Variants in HAS3 observed in about 807,000 individuals in gnomAD.
The protein encoded by HAS3 is HA synthase 3.
Under a neutral mutation model 50.3 loss-of-function variants are expected in HAS3, and 27 were observed. The observed-to-expected ratio is 0.54, with a 90% CI of 0.40 to 0.74. The LOEUF is 0.74. Ranked by LOEUF, HAS3 falls within the 30% of genes least tolerant of loss-of-function variation. HAS3 has a pLI of 0.00. For synonymous variants in HAS3, 339 were observed against 310.9 expected, an observed-to-expected ratio of 1.09 and a Z score of -0.95; for missense variants, 517 against 742.8, an observed-to-expected ratio of 0.70 and a Z score of 3.53.
chr16:69,106,300 C>T lies in HAS3; in HGVS notation c.-1+513C>T, dbSNP rs1276659033. 1.3e-5 allele frequency: 2 copies of T among 149,070 alleles called. No homozygotes were observed. Among genetic ancestry groups the T allele is most frequent in the Non-Finnish European group, 3.0e-5 (2 of 66,996 alleles). 9.2% of individuals were successfully genotyped at this position (149,070 alleles called of 1,614,324 possible). On this transcript the variant is annotated intron_variant, in intron 1 of 3. Transcript: ENST00000569188. The surrounding 1 kb of genome is among the most constrained non-coding windows in gnomAD (Gnocchi z 5.5). ...CGCGGGCCTGCTGAGCTCCGGAGCG[C>T]GGCAGCCGGCGGCACGGTGAGCGCG...
In HAS3 at chr16:69,114,339, G is replaced by T. The variant is rs756808168; in HGVS notation, c.739-4G>T. 5.7e-6 allele frequency: 9 copies of T among 1,590,962 alleles called. No individual in the cohort carries two copies. In the South Asian group the frequency reaches 1.0e-4, roughly 18 times the overall value. On this transcript the variant is annotated splice_polypyrimidine_tract_variant and splice_region_variant and intron_variant, in intron 3 of 3. Coordinates refer to ENST00000569188, the MANE Select transcript of HAS3 (RefSeq NM_001199280.2). This position sits in a 1 kb window ranked among gnomAD's most constrained non-coding sequence, Gnocchi z 6.4. ...GGAGGCCCAGCATCTCTATTCCCTT[G>T]CAGATCCTCAACAAGTACGACTCAT...
At chr16:69,104,529 C>T (rs1210232993), upstream of HAS3, among the ~76,000 whole-genome samples, 1 of 152,162 alleles carries the variant, frequency 6.6e-6, no homozygotes, top group Non-Finnish European at 1.5e-5. Flanking sequence ...AACTTCTGAC[C>T]TCGTGATCCG....
At chr16:69,097,491 T>G in the HAS3 span, among the ~76,000 whole-genome samples, 1 of 152,042 alleles carries the variant, frequency 6.6e-6, no homozygotes, top group Non-Finnish European at 1.5e-5. Flanking sequence ...AAGCTTACCT[T>G]AAGTGTAGAC....
the HAS3 span, among the ~76,000 whole-genome samples, chr16:69,089,523 A>G: frequency 6.6e-6 from 1 of 152,196 alleles, no homozygotes; most frequent in African/African-American, 2.4e-5. Context: ...CTGCAGTCAC[A>G]TGCAGCAGCC....
In HAS3 at chr16:69,117,499, G is replaced by GT. The variant is rs982797187; in HGVS notation, c.*2238dup. The GT allele has an allele frequency of 2.0e-6, 2 of 977,540 alleles. No homozygotes were observed. Among genetic ancestry groups the GT allele is most frequent in the African/African-American group, 3.5e-5 (2 of 56,760 alleles). 60.6% of individuals were successfully genotyped at this position (977,540 alleles called of 1,614,324 possible). On this transcript the variant is annotated 3_prime_UTR_variant, in exon 4 of 4. Coordinates refer to ENST00000569188, the MANE Select transcript of HAS3 (RefSeq NM_001199280.2). ...CCTTTATACAATTGGACGCATTTTG[G>GT]TTTTTCCTCATTGAGAATTCAAATC...
chr16:69,095,941 C>T, the HAS3 span, among the ~76,000 whole-genome samples: 4 of 152,100 alleles, frequency 2.6e-5, no homozygotes, highest in Admixed American at 1.3e-4. Context: ...CATGGCTGGG[C>T]GCGGTGGCTT....
the HAS3 span, chr16:69,083,518 C>A: frequency 6.2e-7 from 1 of 1,612,578 alleles, no homozygotes; most frequent in Non-Finnish European, 8.5e-7. Context: ...TCTCTACCAC[C>A]TGCTGAAGCA....
rs985067116 is a variant in HAS3, at chr16:69,114,762, G to A, written c.1158G>A (p.Thr386=). 22 of 1,614,008 alleles carry A rather than the reference G, an allele frequency of 1.4e-5. No homozygotes were observed. Among genetic ancestry groups the A allele is most frequent in the Non-Finnish European group, 1.9e-5 (22 of 1,180,036 alleles). ...GGATGACCTACGAGTCAGTGGTCAC[G>A]GGTTTCTTCCCCTTCTTCCTCATTG... The part of the protein sequence containing the change: ...HLWMTYESVV[T]GFFPFFLIAT... Residue 386 remains threonine, a synonymous_variant, in exon 4 of 4, where the codon ACG becomes ACA. Coordinates refer to ENST00000569188, the MANE Select transcript of HAS3 (RefSeq NM_001199280.2). The surrounding 1 kb of genome is among the most constrained non-coding windows in gnomAD (Gnocchi z 6.4).
chr16:69,090,307 G>A, the HAS3 span, among the ~76,000 whole-genome samples: 6 of 152,142 alleles, frequency 3.9e-5, no homozygotes, highest in African/African-American at 7.2e-5. Context: ...GGTACAGCCC[G>A]CAGGTACAAT....
Position 69,117,119 on chromosome 16 carries a change from T to C in HAS3, c.*1853T>C. 1 of 985,858 alleles carries C rather than the reference T, an allele frequency of 1.0e-6. No individual in the cohort carries two copies. Among genetic ancestry groups the C allele is most frequent in the South Asian group, 4.7e-5 (1 of 21,292 alleles). 61.1% of individuals were successfully genotyped at this position (985,858 alleles called of 1,614,324 possible). A position where few individuals can be genotyped will look rare whatever the true frequency, so the allele number is the denominator to read the frequency against. On this transcript the variant is annotated 3_prime_UTR_variant, in exon 4 of 4. Transcript: ENST00000569188. Reference sequence around the variant, plus strand: ...AGGCTGGAAGGCAGCAGGCATTTGCTAAGGCAGCTGATCCAGGCAATCGTT... The same window carrying C: ...AGGCTGGAAGGCAGCAGGCATTTGCCAAGGCAGCTGATCCAGGCAATCGTT...
At chr16:69,099,647 AAAC>A in the HAS3 span, among the ~76,000 whole-genome samples, 15 of 152,352 alleles carry the variant, frequency 9.8e-5, no homozygotes, top group Admixed American at 6.5e-4. Context: ...ATTTTAAAGA[AAAC>A]AACAACATAA....
upstream of HAS3, chr16:69,105,651 A>G (rs1490088026): frequency 6.6e-6 from 1 of 152,222 alleles, no homozygotes; most frequent in African/African-American, 2.4e-5. Flanking sequence ...TTTACATTTG[A>G]CAATTCTCTT....
chr16:69,104,107 T>C (rs1390996771), upstream of HAS3, among the ~76,000 whole-genome samples: 1 of 152,100 alleles, frequency 6.6e-6, no homozygotes, highest in Admixed American at 6.5e-5. Flanking sequence ...GAATTTGTTT[T>C]TGAGACAGCG....
At position 69,109,111 on chromosome 16, in the gene HAS3, T is replaced by G. The variant is rs143702285; in HGVS notation, c.1-285T>G. Among the ~76,000 whole-genome samples, 19 of 152,314 alleles carry G rather than the reference T, an allele frequency of 1.2e-4. No homozygotes were observed. Among genetic ancestry groups the G allele is most frequent in the Admixed American group, 5.9e-4 (9 of 15,300 alleles). ...TGGCTTGTCTACCCCAGTGCTACAC[T>G]AAGGGCTTTGTATGTGTCGCCCATT... On this transcript the variant is annotated intron_variant, in intron 1 of 3. Transcript: ENST00000569188. The surrounding 1 kb of genome is among the most constrained non-coding windows in gnomAD (Gnocchi z 5.3).
upstream of HAS3, among the ~76,000 whole-genome samples, chr16:69,101,134 G>A (rs949245325): frequency 6.6e-6 from 1 of 152,128 alleles, no homozygotes; most frequent in African/African-American, 2.4e-5. Flanking sequence ...GCTCAGACAT[G>A]TTCGGTAATT....
At chr16:69,104,984 GT>G (rs1238698069), upstream of HAS3, among the ~76,000 whole-genome samples, 16 of 81,084 alleles carry the variant, frequency 2.0e-4, no homozygotes, top group Middle Eastern at 0.01. Context: ...GGTAAACTCT[GT>G]TTTTTGGTTT....
At position 69,116,047 on chromosome 16, in the gene HAS3, T is replaced by C; in HGVS notation, c.*781T>C. The stretch of plus-strand genomic sequence containing the variant: ...TCAGACGTCTAGATGGGTTCTTAGC[T>C]TGTCTGTGATCTCTGCTGGGGAGAT... On this transcript the variant is annotated 3_prime_UTR_variant, in exon 4 of 4. Transcript: ENST00000569188. 1 of 985,646 alleles carries C rather than the reference T, an allele frequency of 1.0e-6. No homozygotes were observed. The highest frequency in any genetic ancestry group is 1.2e-6 in the Non-Finnish European group (1 of 829,826). The allele number at this position is 985,646 out of a possible 1,614,324, so 61.1% of individuals were successfully genotyped here.
At position 69,109,771 on chromosome 16, in the gene HAS3, C is replaced by T. The variant is rs769971665; in HGVS notation, c.376C>T (p.Arg126Cys). Residue 126 changes from arginine to cysteine, a missense_variant, in exon 2 of 4, where the codon CGC becomes TGC. By Grantham distance (180) the Arg-to-Cys change is radical. Transcript: ENST00000569188. The surrounding 1 kb of genome is among the most constrained non-coding windows in gnomAD (Gnocchi z 5.3). ...LKVVMVVDGNRQEDAYMLDIF... is the reference protein window; with the variant it reads ...LKVVMVVDGNCQEDAYMLDIF... Reference sequence around the variant, plus strand: ...GGTGGTCATGGTGGTGGATGGCAACCGCCAGGAGGACGCCTACATGCTGGA... The same window carrying T: ...GGTGGTCATGGTGGTGGATGGCAACTGCCAGGAGGACGCCTACATGCTGGA... 2.2e-5 allele frequency: 35 copies of T among 1,611,822 alleles called. No individual in the cohort carries two copies. The Admixed American group carries it at 2.3e-4, about 11-fold the overall frequency.
Position 69,115,771 on chromosome 16 carries a change from G to C in HAS3, c.*505G>C. 2 of 986,290 alleles carry C rather than the reference G, an allele frequency of 2.0e-6. No individual in the cohort carries two copies. The highest frequency in any genetic ancestry group is 1.7e-5 in the African/African-American group (1 of 57,354). 61.1% of individuals were successfully genotyped at this position (986,290 alleles called of 1,614,324 possible). ...TCATCAATGCAATAAGATTGCGCCTGAGATACAAGGCCCAGAAGCCTGATC... is the reference window on the plus strand; with the variant it reads ...TCATCAATGCAATAAGATTGCGCCTCAGATACAAGGCCCAGAAGCCTGATC... On this transcript the variant is annotated 3_prime_UTR_variant, in exon 4 of 4. Transcript: ENST00000569188.
Sources: allele counts gnomAD v4.1 joint callset (sites outside exome capture counted in the v4.1 genomes callset), GRCh38; gene constraint gnomAD v4.1.1; non-coding constraint Gnocchi (gnomAD v3.1); transcripts MANE v1.5; gene names NCBI Gene and HGNC (gene_info 2026-07-23, HGNC 2026-07-21).